Variants in SBF2 observed in about 807,000 individuals in gnomAD.
The protein encoded by SBF2 is SET binding factor 2, also known as myotubularin-related protein 13.
Under a neutral mutation model 225.2 loss-of-function variants are expected in SBF2, and 112 were observed. The observed-to-expected ratio is 0.50, with a 90% CI of 0.43 to 0.58. The LOEUF (loss-of-function observed/expected upper bound fraction) is 0.58. Ranked by LOEUF, SBF2 falls within the 20% of genes least tolerant of loss-of-function variation. The pLI is 0.00. For missense variants in SBF2, 1,996 were observed against 2,206.2 expected (o/e 0.90, Z 1.91); for synonymous variants, 763 against 773.3 (o/e 0.99, Z 0.22).
chr11:10,219,209 G>A (rs542112374), intron 1 of SBF2, among the ~76,000 whole-genome samples: 47 of 152,330 alleles, frequency 3.1e-4, no homozygotes, highest in Admixed American at 3.0e-3. Context: ...TCTAGGTAGA[G>A]GTTCAACAAA....
intron 16 of SBF2, among the ~76,000 whole-genome samples, chr11:9,938,700 A>G (rs1334205981): frequency 6.6e-6 from 1 of 152,196 alleles, no homozygotes; most frequent in Non-Finnish European, 1.5e-5. Context: ...TTCTTTCAGA[A>G]GAAAATAAAA....
intron 2 of SBF2, among the ~76,000 whole-genome samples, chr11:10,128,034 T>C (rs1456660948): frequency 6.6e-6 from 1 of 152,196 alleles, no homozygotes; most frequent in Admixed American, 6.5e-5. Flanking sequence ...AAGCACTCAA[T>C]AAAGGTTAGC....
chr11:10,126,728 T>C (rs775876963), intron 2 of SBF2, among the ~76,000 whole-genome samples: 1 of 152,124 alleles, frequency 6.6e-6, no homozygotes, highest in Non-Finnish European at 1.5e-5. Flanking sequence ...CAGATATTTG[T>C]CTATCCATGC....
At chr11:9,874,007 C>T (rs990567506) in intron 17 of SBF2, among the ~76,000 whole-genome samples, 7 of 151,728 alleles carry the variant, frequency 4.6e-5, no homozygotes, top group South Asian at 4.2e-4. Context: ...TGCAGTGAGC[C>T]GAGATTGAGC....
At chr11:9,795,998 GAAC>G (rs778869869) in intron 32 of SBF2, 41 bp from the exon 33 acceptor site, 5 of 1,605,732 alleles carry the variant, frequency 3.1e-6, no homozygotes, top group Non-Finnish European at 4.2e-6. Flanking sequence ...GAATCAAACA[GAAC>G]AAAAAGTGGA....
chr11:10,207,258 A>G (rs978550121), intron 1 of SBF2, among the ~76,000 whole-genome samples: 4 of 152,044 alleles, frequency 2.6e-5, no homozygotes, highest in Non-Finnish European at 4.4e-5. Context: ...CCCTTAAGGA[A>G]TGAGAGGAAA....
At chr11:9,997,446 A>G (rs1947751964) in intron 9 of SBF2, among the ~76,000 whole-genome samples, 1 of 152,202 alleles carries the variant, frequency 6.6e-6, no homozygotes, top group South Asian at 2.1e-4. Context: ...AATGTAGCAT[A>G]TACTTCTTCT....
chr11:9,865,309 T>G (rs530074272), intron 17 of SBF2, among the ~76,000 whole-genome samples: 7 of 152,262 alleles, frequency 4.6e-5, no homozygotes, highest in African/African-American at 1.7e-4. Flanking sequence ...TATAATACAT[T>G]CTCAGTATAA....
intron 16 of SBF2, among the ~76,000 whole-genome samples, chr11:9,902,686 A>G (rs1861811832): frequency 6.6e-6 from 1 of 152,244 alleles, no homozygotes; most frequent in South Asian, 2.1e-4. Context: ...CTGAGCCAAA[A>G]AAGAGATAAA....
At chr11:10,097,601 C>T (rs779302745) in intron 2 of SBF2, among the ~76,000 whole-genome samples, 1 of 152,126 alleles carries the variant, frequency 6.6e-6, no homozygotes, top group Non-Finnish European at 1.5e-5. Flanking sequence ...TTTCAGCCAT[C>T]GTCTTCCTGC....
intron 16 of SBF2, among the ~76,000 whole-genome samples, chr11:9,909,939 T>G (rs989261122): frequency 1.3e-5 from 2 of 152,208 alleles, no homozygotes; most frequent in Admixed American, 6.5e-5. Flanking sequence ...TAATATATGA[T>G]GCTGAGGCTG....
At chr11:9,839,263 G>T (rs1324706626) in intron 26 of SBF2, 5 of 527,002 alleles carry the variant, frequency 9.5e-6, no homozygotes, top group Non-Finnish European at 1.4e-5. Context: ...AAAGACAAGA[G>T]AAATTCATAG....
rs182413466 is a variant in SBF2 at position 10,168,197 on chromosome 11, A to G, written c.141+25705T>C. ...GACAGCTTTTATCTGGTTTACAGCTATATCTTCAACCCTGATCTCAGTTCC... is the reference window on the plus strand; with the variant it reads ...GACAGCTTTTATCTGGTTTACAGCTGTATCTTCAACCCTGATCTCAGTTCC... On this transcript the variant is annotated intron_variant, in intron 2 of 39. Coordinates refer to ENST00000256190, the MANE Select transcript of SBF2 (RefSeq NM_030962.4). Among the ~76,000 whole-genome samples the G allele has an allele frequency of 4.5e-4, 69 of 152,336 alleles. 1 individual carries two copies. The highest frequency in any genetic ancestry group is 4.3e-3 in the Admixed American group (66 of 15,300).
At chr11:10,298,722 A>G (rs917805174), upstream of SBF2, among the ~76,000 whole-genome samples, 1 of 152,158 alleles carries the variant, frequency 6.6e-6, no homozygotes. Flanking sequence ...AATTTAATGA[A>G]TCTTACCCTT....
intron 2 of SBF2, among the ~76,000 whole-genome samples, chr11:10,123,873 G>A (rs949683094): frequency 1.3e-5 from 2 of 152,068 alleles, no homozygotes; most frequent in Non-Finnish European, 2.9e-5. Context: ...CAAACATGGT[G>A]TATTTACCTA....
At chr11:9,990,347 C>T (rs1261326257) in intron 12 of SBF2, among the ~76,000 whole-genome samples, 1 of 152,168 alleles carries the variant, frequency 6.6e-6, no homozygotes, top group Non-Finnish European at 1.5e-5. Context: ...CATTCTAAGA[C>T]ATCTATCTGA....
At chr11:9,896,863 C>T (rs1379349186) in intron 16 of SBF2, among the ~76,000 whole-genome samples, 1 of 151,496 alleles carries the variant, frequency 6.6e-6, no homozygotes, top group Non-Finnish European at 1.5e-5. Context: ...GATTCTAAAA[C>T]CCATTGAGTG....
intron 1 of SBF2, among the ~76,000 whole-genome samples, chr11:10,291,039 A>C (rs920670323): frequency 6.6e-6 from 1 of 152,234 alleles, no homozygotes; most frequent in Non-Finnish European, 1.5e-5. Context: ...AGTTGTTCTC[A>C]AAGAGTGATG....
chr11:10,194,247 AC>A (rs1957284362), intron 1 of SBF2, among the ~76,000 whole-genome samples: 1 of 152,252 alleles, frequency 6.6e-6, no homozygotes, highest in South Asian at 2.1e-4. Flanking sequence ...AATAAAATTA[AC>A]AATGCAACAA....
Sources: gnomAD v4.1 joint callset for allele counts (sites outside exome capture counted in the v4.1 genomes callset) on GRCh38, gnomAD v4.1.1 for gene constraint, MANE v1.5 for transcripts, NCBI Gene and HGNC (gene_info 2026-07-23, HGNC 2026-07-21) for gene names.